LINGO2: variants seen among roughly 807,000 people sequenced by gnomAD.
The protein encoded by LINGO2 is leucine rich repeat and Ig domain containing 2.
LINGO2 carries 14 observed loss-of-function variants against 30.6 expected under a neutral mutation model. The ratio of observed to expected loss-of-function variants is 0.46; its 90% CI spans 0.30 to 0.72. LINGO2 has a LOEUF of 0.72. Ranked by LOEUF, LINGO2 falls within the 30% of genes least tolerant of loss-of-function variation. The pLI is 0.07. For missense variants in LINGO2, 729 were observed against 751.7 expected (o/e 0.97, Z 0.35); for synonymous variants, 317 against 288.5 (o/e 1.10, Z -1.00).
At chr9:28,240,498 A>T (rs4601426) in intron 4 of LINGO2, among the ~76,000 whole-genome samples, 1 of 152,058 alleles carries the variant, frequency 6.6e-6, no homozygotes, top group East Asian at 1.9e-4. Flanking sequence ...ACACACCTGC[A>T]GTAAACACAT....
the LINGO2 span, among the ~76,000 whole-genome samples, chr9:28,928,844 G>A: frequency 9.2e-5 from 14 of 152,114 alleles, no homozygotes; most frequent in African/African-American, 2.9e-4. Context: ...CAGCGCAATC[G>A]GCCCCGTATG....
chr9:28,749,025 A>C, the LINGO2 span, among the ~76,000 whole-genome samples: 2 of 152,054 alleles, frequency 1.3e-5, no homozygotes, highest in Non-Finnish European at 2.9e-5. Flanking sequence ...ATATTCTAAA[A>C]ATATGCAAAA....
intron 1 of LINGO2, among the ~76,000 whole-genome samples, chr9:28,513,084 TACACACACAC>T (rs57773955): frequency 0.01 from 1,497 of 146,694 alleles, 11 homozygotes; most frequent in East Asian, 0.019. Flanking sequence ...TTAACCATCA[TACACACACAC>T]ACACACACAC....
intron 4 of LINGO2, among the ~76,000 whole-genome samples, chr9:28,226,015 A>G (rs759214188): frequency 1.1e-4 from 17 of 152,150 alleles, no homozygotes; most frequent in Admixed American, 3.9e-4. Context: ...TTCATGTTGT[A>G]TCTACATAAC....
chr9:28,363,546 G>A (rs1439125555), intron 3 of LINGO2, among the ~76,000 whole-genome samples: 1 of 152,114 alleles, frequency 6.6e-6, no homozygotes, highest in East Asian at 1.9e-4. Flanking sequence ...AAGACATTCA[G>A]GCAGCATCAT....
intron 1 of LINGO2, among the ~76,000 whole-genome samples, chr9:28,519,057 G>C (rs1820733680): frequency 6.6e-6 from 1 of 151,974 alleles, no homozygotes; most frequent in Admixed American, 6.6e-5. Context: ...TTGGAGACAG[G>C]GTCTGACTCT....
chr9:29,185,296 T>A, the LINGO2 span, among the ~76,000 whole-genome samples: 3 of 151,948 alleles, frequency 2.0e-5, no homozygotes, highest in African/African-American at 7.3e-5. Flanking sequence ...TGGAACAAAG[T>A]AAGTCTCAAG....
chr9:27,954,375 A>G (rs1039959054), intron 5 of LINGO2, among the ~76,000 whole-genome samples: 3 of 152,138 alleles, frequency 2.0e-5, no homozygotes, highest in African/African-American at 4.8e-5. Context: ...AGTGTCTGGT[A>G]TCTATCATTC....
At chr9:28,037,194 G>A (rs1029568481) in intron 4 of LINGO2, among the ~76,000 whole-genome samples, 7 of 152,172 alleles carry the variant, frequency 4.6e-5, no homozygotes, top group Non-Finnish European at 8.8e-5. Flanking sequence ...CTCCAGGTAC[G>A]GAGACAACTC....
chr9:29,145,820 C>T, the LINGO2 span, among the ~76,000 whole-genome samples: 2 of 151,842 alleles, frequency 1.3e-5, no homozygotes, highest in Admixed American at 1.3e-4. Flanking sequence ...CATGTTAAAC[C>T]ATAATGAAGA....
At chr9:28,379,516 C>T (rs963786775) in intron 2 of LINGO2, among the ~76,000 whole-genome samples, 5 of 152,138 alleles carry the variant, frequency 3.3e-5, no homozygotes, top group Non-Finnish European at 5.9e-5. Context: ...AGTTAAATTT[C>T]GAGTACTCCC....
intron 4 of LINGO2, among the ~76,000 whole-genome samples, chr9:28,275,928 C>A (rs184939106): frequency 7.5e-4 from 114 of 152,202 alleles, no homozygotes; most frequent in African/African-American, 2.6e-3. Context: ...GTCTGTGAAA[C>A]CACAATCATT....
chr9:28,760,941 T>TACACACACACAC, the LINGO2 span, among the ~76,000 whole-genome samples: 2 of 109,462 alleles, frequency 1.8e-5, no homozygotes, highest in Non-Finnish European at 3.6e-5. Flanking sequence ...TGTATATATA[T>TACACACACACAC]ATATACACAC....
intron 1 of LINGO2, among the ~76,000 whole-genome samples, chr9:28,549,436 G>C (rs894393358): frequency 7.2e-5 from 11 of 151,970 alleles, no homozygotes; most frequent in Non-Finnish European, 1.5e-4. Flanking sequence ...TTGTGGTAGG[G>C]AGCTGACTGA....
chr9:28,218,475 A>T (rs1820847046), intron 4 of LINGO2, among the ~76,000 whole-genome samples: 1 of 152,004 alleles, frequency 6.6e-6, no homozygotes, highest in Admixed American at 6.6e-5. Context: ...GCCTGTTCTG[A>T]AGTGGAAAAG....
intron 2 of LINGO2, among the ~76,000 whole-genome samples, chr9:28,373,900 CAA>C (rs5897288): frequency 5.1e-4 from 47 of 93,030 alleles, no homozygotes; most frequent in East Asian, 7.6e-4. Context: ...AACTCCATCT[CAA>C]AAAAAAAAAA....
At chr9:28,797,359 T>TATATATAGAGAGAGATAGAG in the LINGO2 span, among the ~76,000 whole-genome samples, 2 of 34,206 alleles carry the variant, frequency 5.8e-5, no homozygotes, top group Admixed American at 1.0e-3. Context: ...TATATATATA[T>TATATATAGAGAGAGATAGAG]AGAGAGAGAG....
At chr9:28,617,585 G>A (rs1426839240) in intron 1 of LINGO2, among the ~76,000 whole-genome samples, 2 of 151,994 alleles carry the variant, frequency 1.3e-5, no homozygotes, top group Non-Finnish European at 2.9e-5. Flanking sequence ...GTGAGCCACC[G>A]CGCCCAGACA....
rs542641175 is a variant in LINGO2 at position 28,158,908 on chromosome 9, T to C, written c.-87+136300A>G. Among the ~76,000 whole-genome samples, 207 of 152,334 alleles carry C rather than the reference T, an allele frequency of 1.4e-3. 1 individual carries two copies. The highest frequency in any genetic ancestry group is 2.7e-3 in the Non-Finnish European group (182 of 68,034). On this transcript the variant is annotated intron_variant, in intron 4 of 5. Transcript: ENST00000379992. ...ATTGTAAACACTGAAAAAGGACTAT[T>C]TTGAAAAACATGGCTTTATTTATTT...
Sources: allele counts gnomAD v4.1 joint callset (sites outside exome capture counted in the v4.1 genomes callset), GRCh38; gene constraint gnomAD v4.1.1; transcripts MANE v1.5; gene names NCBI Gene and HGNC (gene_info 2026-07-23, HGNC 2026-07-21).